Variants in BACH1 observed in about 807,000 individuals in gnomAD.
BACH1 encodes transcription regulator protein BACH1.
Under a neutral mutation model 52.9 loss-of-function variants are expected in BACH1, and 35 were observed. The ratio of observed to expected loss-of-function variants is 0.66; its 90% CI spans 0.51 to 0.88. The LOEUF (loss-of-function observed/expected upper bound fraction) is 0.88, where lower values mean the gene tolerates loss of function less well. Ranked by LOEUF, BACH1 falls within the 40% of genes least tolerant of loss-of-function variation. The pLI is 0.00. For missense variants in BACH1, 808 were observed against 872.6 expected, an observed-to-expected ratio of 0.93 and a Z score of 0.93; for synonymous variants, 321 against 319.6, an observed-to-expected ratio of 1.00 and a Z score of -0.05.
chr21:29,307,344 G>C (rs1315618209), intron 1 of BACH1, among the ~76,000 whole-genome samples: 1 of 152,130 alleles, frequency 6.6e-6, no homozygotes, highest in Non-Finnish European at 1.5e-5. Context: ...CTGTTTTGCT[G>C]TATGTGTACA....
intron 1 of BACH1, among the ~76,000 whole-genome samples, chr21:29,307,115 A>C (rs912325561): frequency 6.6e-6 from 1 of 152,186 alleles, no homozygotes; most frequent in Non-Finnish European, 1.5e-5. Context: ...CCTGGCTCAG[A>C]TAGAATTGTT....
downstream of BACH1, among the ~76,000 whole-genome samples, chr21:29,346,982 G>GT (rs2089173135): frequency 6.6e-6 from 1 of 152,180 alleles, no homozygotes; most frequent in Non-Finnish European, 1.5e-5. Flanking sequence ...GTGTTCACCA[G>GT]TGGGTGTCCC....
intron 4 of BACH1, among the ~76,000 whole-genome samples, chr21:29,340,504 A>T (rs1337891679): frequency 6.6e-6 from 1 of 152,192 alleles, no homozygotes; most frequent in Non-Finnish European, 1.5e-5. Flanking sequence ...AAATATTTGT[A>T]ATCTTCATAG....
At chr21:29,325,681 G>A (rs2088901553) in intron 2 of BACH1, among the ~76,000 whole-genome samples, 2 of 152,144 alleles carry the variant, frequency 1.3e-5, no homozygotes, top group East Asian at 1.9e-4. Flanking sequence ...GCCATGTGGA[G>A]CTGGGCTAGC....
chr21:29,315,711 C>G (rs2088778635), intron 1 of BACH1, among the ~76,000 whole-genome samples: 1 of 152,116 alleles, frequency 6.6e-6, no homozygotes. Flanking sequence ...TGAAAATTGA[C>G]CAGGAAAGTA....
intron 4 of BACH1, among the ~76,000 whole-genome samples, chr21:29,332,629 G>A (rs1292934363): frequency 7.2e-5 from 11 of 152,192 alleles, no homozygotes; most frequent in Non-Finnish European, 1.3e-4. Context: ...GGACTTCTCT[G>A]TGCACCCGCT....
chr21:29,340,075 T>C (rs995522633), intron 4 of BACH1, among the ~76,000 whole-genome samples: 2 of 152,238 alleles, frequency 1.3e-5, no homozygotes, highest in Non-Finnish European at 2.9e-5. Flanking sequence ...AATGGAAATA[T>C]ATTGTAGGGA....
intron 2 of BACH1, among the ~76,000 whole-genome samples, chr21:29,352,079 G>A (rs547069984): frequency 6.6e-6 from 1 of 150,652 alleles, no homozygotes; most frequent in East Asian, 1.9e-4. Flanking sequence ...TTTTGAGATG[G>A]AGTCTCACTT....
At chr21:29,301,422 T>A (rs2088602609) in intron 1 of BACH1, among the ~76,000 whole-genome samples, 1 of 152,242 alleles carries the variant, frequency 6.6e-6, no homozygotes, top group African/African-American at 2.4e-5. Context: ...CGGAATGCTT[T>A]TTCTTTTAAC....
chr21:29,358,780 AAGAAAG>A (rs1462945624), intron 2 of BACH1, among the ~76,000 whole-genome samples: 2 of 99,882 alleles, frequency 2.0e-5, no homozygotes, highest in Non-Finnish European at 4.8e-5. Context: ...AAAAGAAAGA[AAGAAAG>A]AAAGAAAGAA....
chr21:29,316,370 A>T (rs2088786841), intron 1 of BACH1, among the ~76,000 whole-genome samples: 2 of 152,216 alleles, frequency 1.3e-5, no homozygotes, highest in Non-Finnish European at 2.9e-5. Flanking sequence ...ATGCTTATTC[A>T]TCCTTTATCA....
At chr21:29,320,156 T>A (rs2088831663) in intron 1 of BACH1, among the ~76,000 whole-genome samples, 1 of 152,190 alleles carries the variant, frequency 6.6e-6, no homozygotes, top group Non-Finnish European at 1.5e-5. Context: ...CATTTACTCA[T>A]TCACTGACCA....
chr21:29,311,642 AT>A (rs2088724148), intron 1 of BACH1, among the ~76,000 whole-genome samples: 1 of 152,064 alleles, frequency 6.6e-6, no homozygotes. Flanking sequence ...TTACTCTACT[AT>A]CCCCCCACAT....
At chr21:29,324,293 T>A (rs1229741515) in intron 2 of BACH1, among the ~76,000 whole-genome samples, 3 of 150,996 alleles carry the variant, frequency 2.0e-5, no homozygotes, top group African/African-American at 7.3e-5. Context: ...TGTGTTGTCC[T>A]TTTATAACCA....
chr21:29,301,948 A>G (rs1411270402), intron 1 of BACH1, among the ~76,000 whole-genome samples: 1 of 152,102 alleles, frequency 6.6e-6, no homozygotes. Context: ...GTTAAATCTC[A>G]TGTGCCATGT....
intron 1 of BACH1, among the ~76,000 whole-genome samples, chr21:29,316,688 A>AT (rs1172730502): frequency 6.6e-6 from 1 of 152,196 alleles, no homozygotes; most frequent in East Asian, 1.9e-4. Flanking sequence ...AGGAGAAATG[A>AT]TTTTCAGAAC....
At chr21:29,310,162 AG>A (rs1213425892) in intron 1 of BACH1, among the ~76,000 whole-genome samples, 2 of 152,230 alleles carry the variant, frequency 1.3e-5, no homozygotes, top group African/African-American at 4.8e-5. Context: ...TGATGACTGT[AG>A]GAAATATCTA....
At chr21:29,321,540 T>C in intron 2 of BACH1, 26 bp downstream of exon 2, 1 of 1,590,444 alleles carries the variant, frequency 6.3e-7, no homozygotes, top group South Asian at 1.1e-5. Flanking sequence ...TTTTGGCAAT[T>C]TTAATCTACT....
intron 1 of BACH1, among the ~76,000 whole-genome samples, chr21:29,306,773 TG>T (rs905332632): frequency 3.9e-5 from 6 of 152,192 alleles, no homozygotes; most frequent in African/African-American, 1.4e-4. Context: ...GAATTTTAGG[TG>T]ACTTTTTTTC....
Sources: gnomAD v4.1 joint callset for allele counts (sites outside exome capture counted in the v4.1 genomes callset) on GRCh38, gnomAD v4.1.1 for gene constraint, MANE v1.5 for transcripts, NCBI Gene and HGNC (gene_info 2026-07-23, HGNC 2026-07-21) for gene names.